The following RHOBTB1 variants were observed in gnomAD, a reference collection of about 807,000 sequenced individuals.
RHOBTB1 encodes the protein rho-related BTB domain-containing protein 1.
In RHOBTB1, 40 loss-of-function variants were observed where a neutral mutation model predicts 71.6. That is an observed-to-expected ratio of 0.56 (90% CI 0.43 to 0.73). The LOEUF is 0.73. Ranked by LOEUF, RHOBTB1 falls within the 30% of genes least tolerant of loss-of-function variation. RHOBTB1 has a pLI of 0.00. For missense variants in RHOBTB1, 797 were observed against 894.0 expected, an observed-to-expected ratio of 0.89 and a Z score of 1.38; for synonymous variants, 319 against 334.9, an observed-to-expected ratio of 0.95 and a Z score of 0.52.
At chr10:60,985,538 G>T (rs191514355) in intron 2 of RHOBTB1, among the ~76,000 whole-genome samples, 10 of 152,052 alleles carry the variant, frequency 6.6e-5, no homozygotes, top group Non-Finnish European at 8.8e-5. Flanking sequence ...AAAATGCTAC[G>T]CACTAAAGAA....
chr10:60,872,108 T>C, intron 10 of RHOBTB1, 77 bp downstream of exon 10: 1 of 1,094,758 alleles, frequency 9.1e-7, no homozygotes, highest in South Asian at 1.2e-5. Context: ...CCATGTTCCT[T>C]TCCAGGGACA....
At chr10:60,948,487 A>G (rs903968071), upstream of RHOBTB1, among the ~76,000 whole-genome samples, 1 of 152,322 alleles carries the variant, frequency 6.6e-6, no homozygotes, top group East Asian at 1.9e-4. Flanking sequence ...CCTGGGGCCA[A>G]TGCAGCTGGT....
At chr10:60,980,307 T>G (rs2086454012) in intron 2 of RHOBTB1, among the ~76,000 whole-genome samples, 1 of 152,144 alleles carries the variant, frequency 6.6e-6, no homozygotes, top group Non-Finnish European at 1.5e-5. Flanking sequence ...AATACAAAAA[T>G]CAATAAATGT....
intron 7 of RHOBTB1, among the ~76,000 whole-genome samples, chr10:60,880,548 AT>A (rs1470403486): frequency 2.4e-4 from 36 of 152,320 alleles, no homozygotes; most frequent in African/African-American, 8.7e-4. Context: ...GACAATTATG[AT>A]TCCATAAATA....
chr10:60,937,239 T>A (rs2084642722), intron 2 of RHOBTB1, among the ~76,000 whole-genome samples: 1 of 152,128 alleles, frequency 6.6e-6, no homozygotes, highest in South Asian at 2.1e-4. Flanking sequence ...TTCCCAGTGA[T>A]GTAATTTAGG....
intron 2 of RHOBTB1, among the ~76,000 whole-genome samples, chr10:60,923,213 T>A (rs1203953360): frequency 6.6e-6 from 1 of 152,190 alleles, no homozygotes; most frequent in Non-Finnish European, 1.5e-5. Flanking sequence ...CATAGACATG[T>A]ACAAGCAATT....
intron 2 of RHOBTB1, among the ~76,000 whole-genome samples, chr10:60,952,889 A>G (rs2085462845): frequency 6.6e-6 from 1 of 152,192 alleles, no homozygotes; most frequent in Non-Finnish European, 1.5e-5. Flanking sequence ...ATACTTGTGG[A>G]TCAGGTGTCG....
intron 2 of RHOBTB1, among the ~76,000 whole-genome samples, chr10:60,914,187 G>A (rs2083146642): frequency 6.6e-6 from 1 of 152,188 alleles, no homozygotes; most frequent in Admixed American, 6.5e-5. Context: ...GACAGAAAAA[G>A]TTTTGGGTGT....
In RHOBTB1 at chr10:60,981,748, T is replaced by C. The variant is rs114529219; in HGVS notation, c.-62+4097A>G. Reference sequence around the variant, plus strand: ...ATTACTAACAGCAAAAGTTAAAAAATTAACAGTCACTTGGTATTATAAGTT... The same window carrying C: ...ATTACTAACAGCAAAAGTTAAAAAACTAACAGTCACTTGGTATTATAAGTT... On this transcript the variant is annotated intron_variant, in intron 2 of 11. Transcript: ENST00000357917. Among the ~76,000 whole-genome samples the C allele has an allele frequency of 6.4e-3, 970 of 152,238 alleles. 12 individuals carry two copies. Among genetic ancestry groups the C allele is most frequent in the African/African-American group, 0.022 (913 of 41,542 alleles).
At chr10:60,873,941 T>C (rs2080921768) in intron 9 of RHOBTB1, among the ~76,000 whole-genome samples, 1 of 152,248 alleles carries the variant, frequency 6.6e-6, no homozygotes, top group Admixed American at 6.5e-5. Flanking sequence ...TGCTAAGTCA[T>C]AATGAATAGG....
chr10:60,970,625 C>T (rs1443804940), intron 2 of RHOBTB1, among the ~76,000 whole-genome samples: 12 of 152,020 alleles, frequency 7.9e-5, no homozygotes, highest in East Asian at 5.8e-4. Context: ...TAATTATTTT[C>T]GCATTTATAG....
chr10:60,866,589 T>C (rs371753723), downstream of RHOBTB1, among the ~76,000 whole-genome samples: 26 of 151,760 alleles, frequency 1.7e-4, no homozygotes, highest in African/African-American at 5.8e-4. Flanking sequence ...TCAAGAAAAG[T>C]AAGAAAAAAA....
chr10:60,893,027 G>A (rs1028402735), intron 4 of RHOBTB1, 32 bp from the exon 5 acceptor site: 2 of 1,550,744 alleles, frequency 1.3e-6, no homozygotes, highest in South Asian at 2.4e-5. Context: ...AGCTTGTATT[G>A]CCTTTTAACA....
At chr10:60,884,268 T>G (rs2081463575) in intron 7 of RHOBTB1, among the ~76,000 whole-genome samples, 1 of 152,200 alleles carries the variant, frequency 6.6e-6, no homozygotes, top group South Asian at 2.1e-4. Context: ...TCGAATTTCT[T>G]GTGCTAGTGC....
At chr10:60,974,094 G>A (rs528212879) in intron 2 of RHOBTB1, among the ~76,000 whole-genome samples, 63 of 152,122 alleles carry the variant, frequency 4.1e-4, no homozygotes, top group African/African-American at 1.3e-3. Flanking sequence ...AATATCTAAA[G>A]TGTGTGGTGC....
At chr10:60,922,181 A>T (rs2083603714) in intron 2 of RHOBTB1, among the ~76,000 whole-genome samples, 1 of 152,218 alleles carries the variant, frequency 6.6e-6, no homozygotes, top group Non-Finnish European at 1.5e-5. Flanking sequence ...TTGGTGAGTC[A>T]CTACTTCGCT....
At chr10:60,882,203 TAA>T (rs35430567) in intron 7 of RHOBTB1, among the ~76,000 whole-genome samples, 38,459 of 146,454 alleles carry the variant, frequency 0.26, 5,102 homozygotes, top group East Asian at 0.49. Context: ...TCTTTTTTCT[TAA>T]AAAAAAAAAA....
chr10:60,880,788 A>G (rs2081293206), intron 7 of RHOBTB1, among the ~76,000 whole-genome samples: 1 of 152,210 alleles, frequency 6.6e-6, no homozygotes, highest in African/African-American at 2.4e-5. Context: ...ATTCAACTAA[A>G]TCTAGCACCA....
chr10:60,938,096 T>A (rs575133322), intron 2 of RHOBTB1, among the ~76,000 whole-genome samples: 2 of 152,342 alleles, frequency 1.3e-5, no homozygotes, highest in East Asian at 3.9e-4. Flanking sequence ...AGGGTTTATG[T>A]AACAAAGACA....
Sources: gnomAD v4.1 joint callset for allele counts (sites outside exome capture counted in the v4.1 genomes callset) on GRCh38, gnomAD v4.1.1 for gene constraint, MANE v1.5 for transcripts, NCBI Gene and HGNC (gene_info 2026-07-23, HGNC 2026-07-21) for gene names.